The following ZNF775 variants were observed in gnomAD, a reference collection of about 807,000 sequenced individuals.
ZNF775 encodes zinc finger protein 775.
ZNF775 carries 1 observed loss-of-function variant against 2.4 expected under a neutral mutation model. The ratio of observed to expected loss-of-function variants is 0.41; its 90% CI spans 0.15 to 1.94. The LOEUF (loss-of-function observed/expected upper bound fraction) is 1.94. ZNF775 is among the 30% of genes most tolerant of loss of function. The pLI is 0.30. For missense variants in ZNF775, 823 were observed against 826.6 expected (o/e 1.00, Z 0.05); for synonymous variants, 381 against 373.3 (o/e 1.02, Z -0.24).
chr7:150,388,495 G>T lies in ZNF775; in HGVS notation c.25G>T (p.Gly9Cys), dbSNP rs1292520600. MESGLAGN[G>C]TGAGLVMKVK... ...GATGGAGAGTGGCCTGGCTGGCAAC[G>T]GCACAGGTAAGAGAGAAGAAAGAGG... Residue 9 changes from glycine to cysteine, a missense_variant, in exon 2 of 3, where the codon GGC becomes TGC. Coordinates refer to ENST00000329630, the MANE Select transcript of ZNF775 (RefSeq NM_173680.4). The T allele has an allele frequency of 3.2e-6, 5 of 1,551,718 alleles. No homozygotes were observed. The highest frequency in any genetic ancestry group is 2.7e-5 in the African/African-American group (2 of 73,034).
At chr7:150,395,597 G>T (rs912657263) in intron 2 of ZNF775, among the ~76,000 whole-genome samples, 7 of 152,166 alleles carry the variant, frequency 4.6e-5, no homozygotes, top group African/African-American at 1.2e-4. Flanking sequence ...CTTCTAACTC[G>T]TGGGTTCATT....
chr7:150,381,257 T>C (rs1800356574), intron 1 of ZNF775, among the ~76,000 whole-genome samples: 1 of 152,030 alleles, frequency 6.6e-6, no homozygotes, highest in East Asian at 1.9e-4. Context: ...GAAGGAAGTC[T>C]TGGAAGGAGG....
intron 2 of ZNF775, among the ~76,000 whole-genome samples, chr7:150,392,897 C>T (rs1188957608): frequency 6.6e-6 from 1 of 152,146 alleles, no homozygotes; most frequent in Non-Finnish European, 1.5e-5. Flanking sequence ...TAGAGTTCCC[C>T]TATACCTTAG....
At chr7:150,385,702 C>T (rs1800440496) in intron 1 of ZNF775, among the ~76,000 whole-genome samples, 1 of 152,208 alleles carries the variant, frequency 6.6e-6, no homozygotes, top group Non-Finnish European at 1.5e-5. Context: ...GGCAGGTCGT[C>T]CTAAATTCAC....
At chr7:150,387,877 G>A (rs1396116157) in intron 1 of ZNF775, among the ~76,000 whole-genome samples, 1 of 152,188 alleles carries the variant, frequency 6.6e-6, no homozygotes, top group Non-Finnish European at 1.5e-5. Context: ...TTGACCGTGT[G>A]TGTTCTTGTA....
chr7:150,382,465 G>A lies in ZNF775; in HGVS notation c.-50+3073G>A, dbSNP rs1585083074. Among the ~76,000 whole-genome samples, 1 of 152,154 alleles carries A rather than the reference G, an allele frequency of 6.6e-6. No homozygotes were observed. Among genetic ancestry groups the A allele is most frequent in the East Asian group, 1.9e-4 (1 of 5,196 alleles). ...GACTTGGGGTTCTTGATTAAGACAT[G>A]GGGTCCTGAGGGGAGGGACCAGGAA... On this transcript the variant is annotated intron_variant, in intron 1 of 2. Coordinates refer to ENST00000329630, the MANE Select transcript of ZNF775 (RefSeq NM_173680.4). The surrounding 1 kb of genome is among the most constrained non-coding windows in gnomAD (Gnocchi z 4.6).
chr7:150,398,141 G>T lies in ZNF775; in HGVS notation c.*46G>T, dbSNP rs1465406368. 1.3e-6 allele frequency: 2 copies of T among 1,530,862 alleles called. No individual in the cohort carries two copies. Among genetic ancestry groups the T allele is most frequent in the Non-Finnish European group, 1.7e-6 (2 of 1,144,568 alleles). 94.8% of individuals were successfully genotyped at this position (1,530,862 alleles called of 1,614,324 possible). A position where few individuals can be genotyped will look rare whatever the true frequency, so the allele number is the denominator to read the frequency against. On this transcript the variant is annotated 3_prime_UTR_variant, in exon 3 of 3. Transcript: ENST00000329630. ...CCGTGGTGGTGCGGGGGATGTTTGC[G>T]GGGTGTGTGTGGGGAGTGGGGGTGG... is the stretch of plus-strand genomic sequence containing the variant.
At position 150,382,348 on chromosome 7, in the gene ZNF775, A is replaced by G. The variant is rs1800379472; in HGVS notation, c.-50+2956A>G. On this transcript the variant is annotated intron_variant, in intron 1 of 2. Transcript: ENST00000329630. This position sits in a 1 kb window ranked among gnomAD's most constrained non-coding sequence, Gnocchi z 4.6. ...CTCCTCCCAAACTCAGGGAGCAGGT[A>G]TTTCCGTTCACCTGCGCCTTCAAGA... is the stretch of plus-strand genomic sequence containing the variant. 6.6e-6 allele frequency among the ~76,000 whole-genome samples: 1 copy of G among 151,890 alleles called. No individual in the cohort carries two copies. Among genetic ancestry groups the G allele is most frequent in the South Asian group, 2.1e-4 (1 of 4,822 alleles).
chr7:150,397,056 C>T lies in ZNF775; in HGVS notation c.575C>T (p.Ser192Leu). Reference protein sequence around the residue: ...QKTHSRPATHSCPECERCFRH... With the variant: ...QKTHSRPATHLCPECERCFRH... ...ACCCACTCCCGGCCCGCCACCCACT[C>T]GTGCCCCGAGTGCGAGCGCTGCTTC... Residue 192 changes from serine (S) to leucine (L), a missense_variant, in exon 3 of 3, where the codon TCG (serine) becomes TTG (leucine). By Grantham distance (145) the Ser-to-Leu change is moderately radical (BLOSUM62 -2). Coordinates refer to ENST00000329630, the MANE Select transcript of ZNF775 (RefSeq NM_173680.4). 2 of 1,595,074 alleles carry T rather than the reference C, an allele frequency of 1.3e-6. No homozygotes were observed. Among genetic ancestry groups the T allele is most frequent in the East Asian group, 2.2e-5 (1 of 44,614 alleles).
intron 2 of ZNF775, among the ~76,000 whole-genome samples, chr7:150,389,970 C>T (rs889530005): frequency 2.7e-5 from 4 of 149,930 alleles, no homozygotes; most frequent in Admixed American, 2.0e-4. Flanking sequence ...TTTAAGTGTA[C>T]GGTTCAGTGG....
At chr7:150,387,796 C>T (rs1459421225) in intron 1 of ZNF775, among the ~76,000 whole-genome samples, 5 of 143,886 alleles carry the variant, frequency 3.5e-5, no homozygotes, top group East Asian at 2.0e-4. Context: ...GGCAACAGAG[C>T]GAGACTCCAT....
intron 1 of ZNF775, among the ~76,000 whole-genome samples, 155 bp downstream of exon 1, chr7:150,379,547 C>T (rs778317212): frequency 4.0e-5 from 6 of 151,824 alleles, no homozygotes; most frequent in Non-Finnish European, 7.4e-5. Context: ...GCCTGGGGTG[C>T]CCCGAGCCCC....
In ZNF775 at chr7:150,396,727, G is replaced by A. The variant is rs757699815; in HGVS notation, c.246G>A (p.Ala82=). 7 of 1,593,862 alleles carry A rather than the reference G, an allele frequency of 4.4e-6. No individual in the cohort carries two copies. The highest frequency in any genetic ancestry group is 2.3e-5 in the South Asian group (2 of 88,448). The change falls in exon 3 of 3, where the codon GCG becomes GCA. Residue 82 remains alanine, a synonymous_variant. Coordinates refer to ENST00000329630, the MANE Select transcript of ZNF775 (RefSeq NM_173680.4). ...GGGCCCCTCCCACTGAGCAGGATGCGGGGCTGGCAGGCCGGGCTCCCGGGT... is the reference window on the plus strand; with the variant it reads ...GGGCCCCTCCCACTGAGCAGGATGCAGGGCTGGCAGGCCGGGCTCCCGGGT... ...PRWAPPTEQD[A]GLAGRAPGSA...
At chr7:150,389,339 A>G (rs1044390077) in intron 2 of ZNF775, among the ~76,000 whole-genome samples, 2 of 152,200 alleles carry the variant, frequency 1.3e-5, no homozygotes, top group African/African-American at 2.4e-5. Context: ...TCCCAGGAAT[A>G]TCATGTCAGG....
At position 150,398,009 on chromosome 7, in the gene ZNF775, G is replaced by A. The variant is rs1452001531; in HGVS notation, c.1528G>A (p.Gly510Ser). The change falls in exon 3 of 3, where the codon GGC becomes AGC. Residue 510 changes from glycine to serine, a missense_variant. Coordinates refer to ENST00000329630, the MANE Select transcript of ZNF775 (RefSeq NM_173680.4). The stretch of plus-strand genomic sequence containing the variant: ...CTACCTGTGTCCCGCCTGCGGCCGC[G>A]GCTTCAGCCAGAAGCAGCACCTGCT... ...RPYLCPACGR[G>S]FSQKQHLLKH... The A allele has an allele frequency of 6.3e-7, 1 of 1,585,850 alleles. No homozygotes were observed. The highest frequency in any genetic ancestry group is 8.5e-7 in the Non-Finnish European group (1 of 1,171,984).
chr7:150,398,277 C>T lies in ZNF775; in HGVS notation c.*182C>T, dbSNP rs1800721778. 1 of 1,048,642 alleles carries T rather than the reference C, an allele frequency of 9.5e-7. No individual in the cohort carries two copies. 65.0% of individuals were successfully genotyped at this position (1,048,642 alleles called of 1,614,324 possible). On this transcript the variant is annotated 3_prime_UTR_variant, in exon 3 of 3. Transcript: ENST00000329630. The stretch of plus-strand genomic sequence containing the variant: ...GTCCCAAAGGGTGCTGGGAAAGGTC[C>T]CAGCGTGGGTTGAGGGAGGAGGGAA...
At chr7:150,381,199 G>C (rs991787920) in intron 1 of ZNF775, among the ~76,000 whole-genome samples, 4 of 151,962 alleles carry the variant, frequency 2.6e-5, no homozygotes, top group African/African-American at 9.7e-5. Flanking sequence ...TGGCGCAGGG[G>C]AGGTGTGGGT....
At chr7:150,379,548 C>T (rs536735497) in intron 1 of ZNF775, among the ~76,000 whole-genome samples, 156 bp downstream of exon 1, 38 of 152,014 alleles carry the variant, frequency 2.5e-4, no homozygotes, top group African/African-American at 9.2e-4. Flanking sequence ...CCTGGGGTGC[C>T]CCGAGCCCCG....
At chr7:150,385,164 A>T (rs1449104713) in intron 1 of ZNF775, among the ~76,000 whole-genome samples, 1 of 152,104 alleles carries the variant, frequency 6.6e-6, no homozygotes, top group Non-Finnish European at 1.5e-5. Context: ...GAGCCCCACC[A>T]GGGGCTCCTC....
Sources: gnomAD v4.1 joint callset for allele counts (sites outside exome capture counted in the v4.1 genomes callset) on GRCh38, gnomAD v4.1.1 for gene constraint, Gnocchi (gnomAD v3.1) non-coding constraint, MANE v1.5 for transcripts, NCBI Gene and HGNC (gene_info 2026-07-23, HGNC 2026-07-21) for gene names.